VCAN: variants seen among roughly 807,000 people sequenced by gnomAD.
VCAN encodes versican core protein.
Under a neutral mutation model 245.5 loss-of-function variants are expected in VCAN, and 44 were observed. The observed-to-expected ratio is 0.18, with a 90% CI of 0.14 to 0.23. The LOEUF (loss-of-function observed/expected upper bound fraction) is 0.23. VCAN is among the 10% of genes least tolerant of loss of function. The pLI is 1.00. For missense variants in VCAN, 3,793 were observed against 4,057.9 expected, an observed-to-expected ratio of 0.93 and a Z score of 1.77; for synonymous variants, 1,413 against 1,437.0, an observed-to-expected ratio of 0.98 and a Z score of 0.38.
intron 7 of VCAN, among the ~76,000 whole-genome samples, chr5:83,527,961 T>TA (rs1223031676): frequency 5.9e-5 from 9 of 152,196 alleles, no homozygotes; most frequent in African/African-American, 2.2e-4. Context: ...TATTGGCAGT[T>TA]ACCTCGAGAG....
intron 6 of VCAN, among the ~76,000 whole-genome samples, chr5:83,515,433 A>AT (rs1458801485): frequency 6.6e-6 from 1 of 152,128 alleles, no homozygotes; most frequent in Non-Finnish European, 1.5e-5. Flanking sequence ...CTCTCAGATA[A>AT]TTTTTCTAAT....
rs561092186 is a variant in VCAN, at chr5:83,476,933, C to T, written c.-7+4910C>T. Among the ~76,000 whole-genome samples the T allele has an allele frequency of 3.9e-4, 60 of 152,120 alleles. 1 individual carries two copies. The highest frequency in any genetic ancestry group is 1.4e-3 in the African/African-American group (57 of 41,490). ...TAAGGATTTTAAGAGGTGTTTATGT[C>T]TATAAAATGAGATTACATATTTTAC... On this transcript the variant is annotated intron_variant, in intron 1 of 14. Coordinates refer to ENST00000265077, the MANE Select transcript of VCAN (RefSeq NM_004385.5).
At chr5:83,493,982 A>T in intron 5 of VCAN, 51 bp downstream of exon 5, 1 of 1,612,804 alleles carries the variant, frequency 6.2e-7, no homozygotes, top group Non-Finnish European at 8.5e-7. Context: ...AAACTGAGGG[A>T]AGACCAGAAG....
At chr5:83,523,893 G>A (rs998443477) in intron 7 of VCAN, among the ~76,000 whole-genome samples, 3 of 151,802 alleles carry the variant, frequency 2.0e-5, no homozygotes, top group Non-Finnish European at 4.4e-5. Flanking sequence ...GGAATATAAC[G>A]GTGAAAGAAA....
chr5:83,535,454 A>T (rs997158127), intron 7 of VCAN, among the ~76,000 whole-genome samples: 8 of 152,168 alleles, frequency 5.3e-5, no homozygotes, highest in Non-Finnish European at 1.2e-4. Context: ...TTTGCATTAC[A>T]TAAAAGTCTT....
chr5:83,481,277 C>T (rs1193157460), intron 1 of VCAN, among the ~76,000 whole-genome samples: 2 of 146,820 alleles, frequency 1.4e-5, no homozygotes, highest in South Asian at 2.1e-4. Context: ...CGGAGTCTCG[C>T]TCTGTCGCCC....
chr5:83,553,881 A>G lies in VCAN; in HGVS notation c.9652+359A>G, dbSNP rs1194461785. On this transcript the variant is annotated intron_variant, in intron 11 of 14. Coordinates refer to ENST00000265077, the MANE Select transcript of VCAN (RefSeq NM_004385.5). Reference sequence around the variant, plus strand: ...TACTTTCATAGTCTCTATTTTGAATATTTATATGCCTGTCTAAAATTACAG... The same window carrying G: ...TACTTTCATAGTCTCTATTTTGAATGTTTATATGCCTGTCTAAAATTACAG... Among the ~76,000 whole-genome samples, 5 of 152,190 alleles carry G rather than the reference A, an allele frequency of 3.3e-5. No individual in the cohort carries two copies. In the East Asian group the frequency reaches 7.7e-4, roughly 23 times the overall value.
chr5:83,493,559 C>T lies in VCAN; in HGVS notation c.459C>T (p.His153=), dbSNP rs1176371467. The change falls in exon 4 of 15, where the codon CAC becomes CAT. Residue 153 remains histidine, a synonymous_variant. Coordinates refer to ENST00000265077, the MANE Select transcript of VCAN (RefSeq NM_004385.5). ...TTGTTTTTGCAGGGGTTGTGTTTCA[C>T]TACAGGGCGGCAACCAGCAGGTACA... The part of the protein sequence containing the change: ...VSLTVDGVVF[H]YRAATSRYTL... 1.2e-6 allele frequency: 2 copies of T among 1,613,384 alleles called. No individual in the cohort carries two copies. The highest frequency in any genetic ancestry group is 1.7e-6 in the Non-Finnish European group (2 of 1,180,018).
intron 12 of VCAN, 67 bp from the exon 13 acceptor site, chr5:83,572,349 A>C (rs2112499126): frequency 2.5e-4 from 395 of 1,556,206 alleles, no homozygotes; most frequent in Middle Eastern, 3.4e-4. Flanking sequence ...TTGTGATATA[A>C]TACCGTCGTT....
intron 13 of VCAN, among the ~76,000 whole-genome samples, chr5:83,575,453 T>G (rs1015487920): frequency 4.6e-5 from 7 of 152,212 alleles, no homozygotes; most frequent in Non-Finnish European, 1.0e-4. Context: ...AAATGTCATG[T>G]TTGCCCTCTT....
rs750085584 is a variant in VCAN, at chr5:83,542,175, C to A, written c.9172C>A (p.Pro3058Thr). 6.2e-7 allele frequency: 1 copy of A among 1,614,092 alleles called. No individual in the cohort carries two copies. Among genetic ancestry groups the A allele is most frequent in the Non-Finnish European group, 8.5e-7 (1 of 1,179,976 alleles). Residue 3058 changes from proline (P) to threonine (T), a missense_variant, in exon 8 of 15, where the codon CCA becomes ACA. By Grantham distance (38) the Pro-to-Thr change is conservative (BLOSUM62 -1). Transcript: ENST00000265077. ...PVEFNTEVAT[P>T]PFSLLETSNE... Reference sequence around the variant, plus strand: ...GGAATTTAATACTGAGGTTGCAACACCACCATTTTCCCTTCTGGAGACTTC... The same window carrying A: ...GGAATTTAATACTGAGGTTGCAACAACACCATTTTCCCTTCTGGAGACTTC...
At chr5:83,547,900 A>C in intron 9 of VCAN, 71 bp from the exon 10 acceptor site, 1 of 1,040,780 alleles carries the variant, frequency 9.6e-7, no homozygotes, top group Non-Finnish European at 1.5e-6. Flanking sequence ...GTTATCTTGC[A>C]ACCTCACACT....
At chr5:83,486,038 G>T (rs1744781909) in intron 2 of VCAN, among the ~76,000 whole-genome samples, 1 of 152,086 alleles carries the variant, frequency 6.6e-6, no homozygotes, top group South Asian at 2.1e-4. Flanking sequence ...GAGGGCTGAG[G>T]CAGGAGAATT....
At chr5:83,553,772 A>C (rs147748928) in intron 11 of VCAN, among the ~76,000 whole-genome samples, 1 of 152,236 alleles carries the variant, frequency 6.6e-6, no homozygotes, top group Admixed American at 6.5e-5. Context: ...TGTAGGTTGA[A>C]TCATAAGCAG....
rs1265627926 is a variant in VCAN at position 83,539,640 on chromosome 5, A to G, written c.6637A>G (p.Thr2213Ala). 1 of 1,614,034 alleles carries G rather than the reference A, an allele frequency of 6.2e-7. No homozygotes were observed. The highest frequency in any genetic ancestry group is 2.2e-5 in the East Asian group (1 of 44,842). Reference sequence around the variant, plus strand: ...TTTTTTCTTAGCTACTGCATTAGTAACTGAATCTATACCAGCTGAACATGT... The same window carrying G: ...TTTTTTCTTAGCTACTGCATTAGTAGCTGAATCTATACCAGCTGAACATGT... ...SHFFLATALV[T>A]ESIPAEHVVT... The change falls in exon 8 of 15, where the codon ACT (threonine) becomes GCT (alanine). Residue 2213 changes from threonine (T) to alanine (A), a missense_variant. By Grantham distance (58) the Thr-to-Ala change is moderately conservative. Around this residue, in one of 5 missense-constraint regions of VCAN, gnomAD observed 3,182 missense variants for 3,250.3 expected, o/e 0.98. Transcript: ENST00000265077.
chr5:83,564,237 G>C (rs546629240), intron 12 of VCAN, among the ~76,000 whole-genome samples: 20 of 151,484 alleles, frequency 1.3e-4, no homozygotes, highest in Admixed American at 1.3e-4. Flanking sequence ...TACGATTTTG[G>C]GGGACATATT....
At chr5:83,513,157 A>G (rs974431351) in intron 6 of VCAN, among the ~76,000 whole-genome samples, 9 of 152,186 alleles carry the variant, frequency 5.9e-5, no homozygotes, top group African/African-American at 2.2e-4. Context: ...TAGTTGTAGA[A>G]TGCAAATTAA....
chr5:83,497,009 T>C (rs1461669565), intron 5 of VCAN, among the ~76,000 whole-genome samples: 1 of 152,158 alleles, frequency 6.6e-6, no homozygotes, highest in Admixed American at 6.5e-5. Flanking sequence ...TATTTTATTA[T>C]ATTTGGGGGA....
At chr5:83,571,103 T>C (rs9293341) in intron 12 of VCAN, among the ~76,000 whole-genome samples, 3,848 of 152,236 alleles carry the variant, frequency 0.025, 116 homozygotes, top group African/African-American at 0.079. Flanking sequence ...ATACTAGACA[T>C]GATAAAGCAT....
Sources: gnomAD v4.1 joint callset for allele counts (sites outside exome capture counted in the v4.1 genomes callset) on GRCh38, gnomAD v4.1.1 for gene constraint, gnomAD v4.1.1 regional missense constraint, MANE v1.5 for transcripts, NCBI Gene and HGNC (gene_info 2026-07-23, HGNC 2026-07-21) for gene names.